The following PEX16 variants were observed in gnomAD, a reference collection of about 807,000 sequenced individuals.
PEX16 encodes the protein peroxin 16.
Under a neutral mutation model 50.5 loss-of-function variants are expected in PEX16, and 37 were observed. That is an observed-to-expected ratio of 0.73 (90% CI 0.56 to 0.96). PEX16 has a LOEUF of 0.96. Ranked by LOEUF, PEX16 falls within the 40% of genes least tolerant of loss-of-function variation. The pLI is 0.00. For missense variants in PEX16, 401 were observed against 438.3 expected (o/e 0.91, Z 0.76); for synonymous variants, 185 against 190.3 (o/e 0.97, Z 0.23).
chr11:45,914,125 G>A lies in PEX16; in HGVS notation c.767+6C>T, dbSNP rs773465913. The A allele has an allele frequency of 1.3e-6, 2 of 1,595,074 alleles. No individual in the cohort carries two copies. The highest frequency in any genetic ancestry group is 8.5e-7 in the Non-Finnish European group (1 of 1,170,304). The stretch of plus-strand genomic sequence containing the variant: ...AGAGTGAAGCCCCAGGCAGGCCCAG[G>A]CTCACCTGGTCACGTCCACAACACC... On this transcript the variant is annotated splice_donor_region_variant and intron_variant, in intron 8 of 10. Coordinates refer to ENST00000378750, the MANE Select transcript of PEX16 (RefSeq NM_004813.4).
At position 45,910,914 on chromosome 11, in the gene PEX16, G is replaced by A. The variant is rs948434852; in HGVS notation, c.936C>T (p.Gly312=). The A allele has an allele frequency of 9.9e-6, 16 of 1,613,498 alleles. No homozygotes were observed. Among genetic ancestry groups the A allele is most frequent in the African/African-American group, 8.0e-5 (6 of 74,936 alleles). Residue 312 remains glycine (G), a synonymous_variant, in exon 10 of 11, where the codon GGC becomes GGT. Transcript: ENST00000378750. ...CCTGCTTACTTGTGACCAGGCCAAC[G>A]CCAGGGACGTGGTCGGCCAGCAACT... The part of the protein sequence containing the change: ...LLQLLADHVP[G]VGLVTRPLMD...
At chr11:45,917,660 T>A (rs1305547081) in intron 1 of PEX16, 40 bp downstream of exon 1, 3 of 1,516,450 alleles carry the variant, frequency 2.0e-6, no homozygotes, top group East Asian at 4.9e-5. Flanking sequence ...GGGTCATAGG[T>A]CAGGGCCCAG....
At chr11:45,911,727 A>G (rs1272653320) in intron 9 of PEX16, among the ~76,000 whole-genome samples, 3 of 152,198 alleles carry the variant, frequency 2.0e-5, no homozygotes, top group African/African-American at 7.2e-5. Context: ...GCAGCAAGAA[A>G]AGAGGAAGCC....
chr11:45,917,505 G>T lies in PEX16; in HGVS notation c.113-12C>A. 6.2e-7 allele frequency: 1 copy of T among 1,613,978 alleles called. No homozygotes were observed. Among genetic ancestry groups the T allele is most frequent in the Non-Finnish European group, 8.5e-7 (1 of 1,179,952 alleles). On this transcript the variant is annotated splice_polypyrimidine_tract_variant and intron_variant, in intron 1 of 10. Transcript: ENST00000378750. ...ATCGGCGAATCGACCTGGGGAGAGG[G>T]TACAGAAGGAGGTGTGAGTGAGCAT... is the stretch of plus-strand genomic sequence containing the variant.
At position 45,914,417 on chromosome 11, in the gene PEX16, C is replaced by T. The variant is rs1319561377; in HGVS notation, c.593G>A (p.Arg198Gln). 41 of 1,608,994 alleles carry T rather than the reference C, an allele frequency of 2.5e-5. No homozygotes were observed. Among genetic ancestry groups the T allele is most frequent in the Non-Finnish European group, 3.1e-5 (37 of 1,180,000 alleles). The change falls in exon 7 of 11, where the codon CGG (arginine) becomes CAG (glutamine). Residue 198 changes from arginine to glutamine, a missense_variant. Coordinates refer to ENST00000378750, the MANE Select transcript of PEX16 (RefSeq NM_004813.4). ...CAGCTCCTCGTGATGCTGCTGCTGCCGTCCCTCCCGCTGCTGGGGAGCTCC... is the reference window on the plus strand; with the variant it reads ...CAGCTCCTCGTGATGCTGCTGCTGCTGTCCCTCCCGCTGCTGGGGAGCTCC... ...HWGAPQQREG[R>Q]QQQHHEELSA...
In PEX16 at chr11:45,910,207, G is replaced by A. The variant is rs1235844690; in HGVS notation, c.*47C>T. On this transcript the variant is annotated 3_prime_UTR_variant, in exon 11 of 11. Transcript: ENST00000378750. ...CGGAGTCAGTTTTATTAGGGAAGAG[G>A]GGCTCCCTGCCCCACCCCTCCCCAC... 29 of 1,612,908 alleles carry A rather than the reference G, an allele frequency of 1.8e-5. No homozygotes were observed. The Admixed American group carries it at 4.8e-4, about 27-fold the overall frequency.
Position 45,914,187 on chromosome 11 carries a change from C to G in PEX16, c.711G>C (p.Leu237=). ...RPLLHLLSLG[L]WGQRSWKPWL... is the part of the protein sequence containing the mutation. ...AGGGTTTCCACGACCTCTGACCCCACAGGCCCAGGCTGAGCACTGACGGCC... is the reference window on the plus strand; with the variant it reads ...AGGGTTTCCACGACCTCTGACCCCAGAGGCCCAGGCTGAGCACTGACGGCC... Residue 237 remains leucine, a synonymous_variant, in exon 8 of 11, where the codon CTG becomes CTC. Transcript: ENST00000378750. 6.2e-7 allele frequency: 1 copy of G among 1,612,844 alleles called. No individual in the cohort carries two copies. Among genetic ancestry groups the G allele is most frequent in the Non-Finnish European group, 8.5e-7 (1 of 1,179,520 alleles).
In PEX16 at chr11:45,915,716, C is replaced by T. The variant is rs10742772; in HGVS notation, c.346G>A (p.Val116Ile). The T allele has an allele frequency of 1, 1,614,120 of 1,614,132 alleles. 807,054 individuals carry two copies. The highest frequency in any genetic ancestry group is 1 in the Non-Finnish European group (1,180,034 of 1,180,034). The part of the protein sequence containing the change: ...EVGRWLVIAL[V>I]QLAKAVLRML... ...ATCCCAACCTACTTGGCCAGCTGGA[C>T]GAGGGCGATGACAAGCCAGCGGCCC... Residue 116 changes from valine (V) to isoleucine (I), a missense_variant, in exon 4 of 11, where the codon GTC (valine) becomes ATC (isoleucine). Val to Ile is a conservative substitution (Grantham distance 29). Coordinates refer to ENST00000378750, the MANE Select transcript of PEX16 (RefSeq NM_004813.4).
chr11:45,910,923 G>A lies in PEX16; in HGVS notation c.927C>T (p.His309=), dbSNP rs774505361. 9 of 1,613,616 alleles carry A rather than the reference G, an allele frequency of 5.6e-6. No individual in the cohort carries two copies. Among genetic ancestry groups the A allele is most frequent in the South Asian group, 2.2e-5 (2 of 91,082 alleles). The part of the protein sequence containing the change: ...ILFLLQLLAD[H]VPGVGLVTRP... ...TTGTGACCAGGCCAACGCCAGGGAC[G>A]TGGTCGGCCAGCAACTGGAGCAGGA... The change falls in exon 10 of 11, where the codon CAC becomes CAT. Residue 309 remains histidine, a synonymous_variant. Coordinates refer to ENST00000378750, the MANE Select transcript of PEX16 (RefSeq NM_004813.4).
At chr11:45,915,404 G>C in intron 5 of PEX16, 64 bp downstream of exon 5, 1 of 1,207,700 alleles carries the variant, frequency 8.3e-7, no homozygotes, top group Non-Finnish European at 1.2e-6. Context: ...CATGCTGGTT[G>C]GATCTAAATC....
At position 45,916,213 on chromosome 11, in the gene PEX16, G is replaced by T. The variant is rs1263562797; in HGVS notation, c.225+14C>A. 1 of 1,602,026 alleles carries T rather than the reference G, an allele frequency of 6.2e-7. No individual in the cohort carries two copies. The highest frequency in any genetic ancestry group is 2.2e-5 in the East Asian group (1 of 44,782). ...TCCCCATGCTTCCCACCCTGTTCTT[G>T]GCAGAATTCTCACCACAGGCAACTT... is the stretch of plus-strand genomic sequence containing the variant. On this transcript the variant is annotated intron_variant, in intron 3 of 10. Coordinates refer to ENST00000378750, the MANE Select transcript of PEX16 (RefSeq NM_004813.4).
intron 1 of PEX16, 32 bp from the exon 2 acceptor site, chr11:45,917,525 G>A: frequency 6.2e-7 from 1 of 1,612,794 alleles, no homozygotes; most frequent in Non-Finnish European, 8.5e-7. Flanking sequence ...AGGTGTGAGT[G>A]AGCATCTGCC....
Position 45,909,985 on chromosome 11 carries a change from C to A in PEX16, c.*269G>T. On this transcript the variant is annotated 3_prime_UTR_variant, in exon 11 of 11. Coordinates refer to ENST00000378750, the MANE Select transcript of PEX16 (RefSeq NM_004813.4). ...CCCGGGCTCCATGAGGTGAAGTCAC[C>A]GCTTTCTGTGGGAGAGGAGCCTGGA... 2 of 1,085,312 alleles carry A rather than the reference C, an allele frequency of 1.8e-6. No individual in the cohort carries two copies. The highest frequency in any genetic ancestry group is 2.8e-6 in the Non-Finnish European group (2 of 714,136). 67.2% of individuals were successfully genotyped at this position (1,085,312 alleles called of 1,614,324 possible).
In PEX16 at chr11:45,910,290, G is replaced by A. The variant is rs2134685494; in HGVS notation, c.975C>T (p.Pro325=). ...LVTRPLMDYL[P]TWQKIYFYSW... is the part of the protein sequence containing the mutation. The stretch of plus-strand genomic sequence containing the variant: ...TGTAGAAGTAGATTTTCTGCCAGGT[G>A]GGCAAGTAATCCATGAGCGGCCCTG... The change falls in exon 11 of 11, where the codon CCC becomes CCT. Residue 325 remains proline (P), a synonymous_variant. Coordinates refer to ENST00000378750, the MANE Select transcript of PEX16 (RefSeq NM_004813.4). 1 of 1,613,750 alleles carries A rather than the reference G, an allele frequency of 6.2e-7. No individual in the cohort carries two copies. Among genetic ancestry groups the A allele is most frequent in the Non-Finnish European group, 8.5e-7 (1 of 1,179,856 alleles).
At chr11:45,910,768 A>G (rs929510077) in intron 10 of PEX16, 130 bp downstream of exon 10, 8 of 980,308 alleles carry the variant, frequency 8.2e-6, no homozygotes, top group African/African-American at 1.6e-5. Flanking sequence ...GTCCCACCCA[A>G]TCCTGACTTC....
In PEX16 at chr11:45,911,565, A is replaced by G. The variant is rs139964516; in HGVS notation, c.888-603T>C. Among the ~76,000 whole-genome samples, 658 of 152,338 alleles carry G rather than the reference A, an allele frequency of 4.3e-3. 4 individuals are homozygous for G. Among genetic ancestry groups the G allele is most frequent in the African/African-American group, 0.015 (635 of 41,574 alleles). On this transcript the variant is annotated intron_variant, in intron 9 of 10. Coordinates refer to ENST00000378750, the MANE Select transcript of PEX16 (RefSeq NM_004813.4). The stretch of plus-strand genomic sequence containing the variant: ...GCTACGTGCTTACTACACCCCACGC[A>G]CTGCTGTACGCGTTAGTCACTGAAC...
chr11:45,909,680 A>C lies in PEX16; in HGVS notation c.*574T>G. On this transcript the variant is annotated 3_prime_UTR_variant, in exon 11 of 11. Coordinates refer to ENST00000378750, the MANE Select transcript of PEX16 (RefSeq NM_004813.4). Reference sequence around the variant, plus strand: ...CGATGTCCTTTTTCTAAGGGAGAAAAGCCTTTTACTCTCAACCGAGGATGC... The same window carrying C: ...CGATGTCCTTTTTCTAAGGGAGAAACGCCTTTTACTCTCAACCGAGGATGC... The C allele has an allele frequency of 4.3e-6, 1 of 234,710 alleles. No individual in the cohort carries two copies. Among genetic ancestry groups the C allele is most frequent in the South Asian group, 6.5e-5 (1 of 15,288 alleles). The allele number at this position is 234,710 out of a possible 1,614,324, so 14.5% of individuals were successfully genotyped here.
In PEX16 at chr11:45,917,877, C is replaced by A. The variant is rs2086857560; in HGVS notation, c.-66G>T. On this transcript the variant is annotated 5_prime_UTR_variant, in exon 1 of 11. Transcript: ENST00000378750. ...ACAGGCTGCGGCGCCCTGCTTCCTG[C>A]GCCCTCCTTCCTGCTTCCGGTCTTA... 1.7e-6 allele frequency: 2 copies of A among 1,165,270 alleles called. No homozygotes were observed. The highest frequency in any genetic ancestry group is 2.5e-6 in the Non-Finnish European group (2 of 809,650). The allele number at this position is 1,165,270 out of a possible 1,614,324, so 72.2% of individuals were successfully genotyped here. A position where few individuals can be genotyped will look rare whatever the true frequency, so the allele number is the denominator to read the frequency against.
rs72902478 is a variant in PEX16 at position 45,909,667 on chromosome 11, T to C, written c.*587A>G. 0.068 allele frequency: 15,457 copies of C among 227,992 alleles called. 766 individuals carry two copies. The highest frequency in any genetic ancestry group is 0.097 in the Non-Finnish European group (10,924 of 112,632). 14.1% of individuals were successfully genotyped at this position (227,992 alleles called of 1,614,324 possible). A position where few individuals can be genotyped will look rare whatever the true frequency, so the allele number is the denominator to read the frequency against. ...GCTGGCCAGTGCCCGATGTCCTTTT[T>C]CTAAGGGAGAAAAGCCTTTTACTCT... On this transcript the variant is annotated 3_prime_UTR_variant, in exon 11 of 11. Transcript: ENST00000378750.
Sources: gnomAD v4.1 joint callset for allele counts (sites outside exome capture counted in the v4.1 genomes callset) on GRCh38, gnomAD v4.1.1 for gene constraint, MANE v1.5 for transcripts, NCBI Gene and HGNC (gene_info 2026-07-23, HGNC 2026-07-21) for gene names.